Variants in CNTN5 observed in about 807,000 individuals in gnomAD.
CNTN5 encodes the protein contactin-5.
A neutral mutation model predicts 129.1 loss-of-function variants in CNTN5; 77 were observed. The observed-to-expected ratio is 0.60, with a 90% CI of 0.50 to 0.72. CNTN5 has a LOEUF of 0.72. Among genes scored for constraint, CNTN5 ranks in the 30% least tolerant of loss-of-function variants. The pLI is 0.00. For synonymous variants in CNTN5, 509 were observed against 465.6 expected (o/e 1.09, Z -1.20); for missense variants, 1,478 against 1,328.8 (o/e 1.11, Z -1.75).
intron 1 of CNTN5, among the ~76,000 whole-genome samples, chr11:99,072,663 A>T (rs188794429): frequency 6.6e-6 from 1 of 152,244 alleles, no homozygotes; most frequent in East Asian, 1.9e-4. Context: ...GTTGCTGATT[A>T]TTATATGCTT....
At chr11:100,025,294 G>A (rs1324046603) in intron 9 of CNTN5, among the ~76,000 whole-genome samples, 2 of 152,196 alleles carry the variant, frequency 1.3e-5, no homozygotes, top group Non-Finnish European at 2.9e-5. Context: ...ACACAGAAGT[G>A]AAGAATTGAG....
chr11:99,646,817 AAAAAAAAAAAGG>A (rs1252810989), intron 3 of CNTN5, among the ~76,000 whole-genome samples: 1 of 151,732 alleles, frequency 6.6e-6, no homozygotes, highest in Non-Finnish European at 1.5e-5. Context: ...CTTAAAAAAA[AAAAAAAAAAAGG>A]AAAAAAACCC....
intron 9 of CNTN5, among the ~76,000 whole-genome samples, chr11:100,043,748 C>T (rs1942499519): frequency 6.6e-6 from 1 of 152,194 alleles, no homozygotes; most frequent in East Asian, 1.9e-4. Context: ...GGCTACATTC[C>T]CTCACCTTCC....
chr11:99,868,923 A>AAGT (rs1012267477), intron 6 of CNTN5, among the ~76,000 whole-genome samples: 16 of 152,198 alleles, frequency 1.1e-4, no homozygotes. Flanking sequence ...GAAAGAAAAG[A>AAGT]AGTAGAACAA....
intron 2 of CNTN5, among the ~76,000 whole-genome samples, chr11:99,525,590 T>C (rs1947454383): frequency 1.3e-5 from 2 of 152,224 alleles, no homozygotes. Context: ...GTGACAGAGG[T>C]ATTTCTGAAT....
At chr11:99,608,105 A>T (rs973733317) in intron 3 of CNTN5, among the ~76,000 whole-genome samples, 23 of 150,678 alleles carry the variant, frequency 1.5e-4, no homozygotes, top group Admixed American at 7.2e-4. Flanking sequence ...TATAATAAAA[A>T]AAAAAAAAAA....
At chr11:99,821,274 A>G (rs918809215) in intron 4 of CNTN5, among the ~76,000 whole-genome samples, 3 of 152,318 alleles carry the variant, frequency 2.0e-5, no homozygotes, top group Middle Eastern at 6.8e-3. Flanking sequence ...CAATATAAGT[A>G]TGAATTCAAA....
At chr11:100,262,548 C>T (rs991868660) in intron 17 of CNTN5, among the ~76,000 whole-genome samples, 1 of 152,170 alleles carries the variant, frequency 6.6e-6, no homozygotes, top group Admixed American at 6.5e-5. Context: ...CCCAAATGCC[C>T]ATCAATGATA....
intron 3 of CNTN5, among the ~76,000 whole-genome samples, chr11:99,600,279 C>A (rs1203045317): frequency 2.6e-5 from 4 of 152,080 alleles, no homozygotes; most frequent in Non-Finnish European, 5.9e-5. Flanking sequence ...TAATTTTAAA[C>A]CTAGTAACCA....
chr11:99,035,520 T>A (rs1285763456), intron 1 of CNTN5, among the ~76,000 whole-genome samples: 1 of 149,762 alleles, frequency 6.7e-6, no homozygotes, highest in African/African-American at 2.4e-5. Context: ...TTTACCATTA[T>A]GTAATGGCCT....
At chr11:99,520,063 T>C (rs2135435712) in intron 2 of CNTN5, among the ~76,000 whole-genome samples, 1 of 152,234 alleles carries the variant, frequency 6.6e-6, no homozygotes, top group Admixed American at 6.6e-5. Context: ...TTATATAGCA[T>C]TTATTTTACG....
chr11:100,221,470 T>A (rs60180364), intron 15 of CNTN5, among the ~76,000 whole-genome samples: 3,932 of 152,306 alleles, frequency 0.026, 183 homozygotes, highest in African/African-American at 0.09. Context: ...AAATGCGAGC[T>A]AAGAAAGAAT....
chr11:99,890,520 T>G (rs1485861453), intron 6 of CNTN5, among the ~76,000 whole-genome samples: 1 of 152,002 alleles, frequency 6.6e-6, no homozygotes, highest in African/African-American at 2.4e-5. Context: ...CATATATGAC[T>G]GAAACATACA....
chr11:99,055,597 T>G (rs1251310593), intron 1 of CNTN5, among the ~76,000 whole-genome samples: 1 of 151,920 alleles, frequency 6.6e-6, no homozygotes, highest in Non-Finnish European at 1.5e-5. Flanking sequence ...CAATCCCATT[T>G]TCTCCTTTTC....
At chr11:99,627,702 T>C (rs1168679124) in intron 3 of CNTN5, among the ~76,000 whole-genome samples, 3 of 151,934 alleles carry the variant, frequency 2.0e-5, no homozygotes, top group Non-Finnish European at 4.4e-5. Context: ...AAAAATGTAG[T>C]TGGAGGCCAG....
rs867417758 is a variant in CNTN5, at chr11:99,780,484, G to A, written c.56-39060G>A. ...TAAAGGTCGGGTTGAGAATAAATAA[G>A]TGAATTGGATTTTAAGAGTGAGATT... On this transcript the variant is annotated intron_variant, in intron 3 of 24. Coordinates refer to ENST00000524871, the MANE Select transcript of CNTN5 (RefSeq NM_014361.4). Among the ~76,000 whole-genome samples, 10 of 152,124 alleles carry A rather than the reference G, an allele frequency of 6.6e-5. 1 individual carries two copies. The highest frequency in any genetic ancestry group is 3.9e-4 in the Admixed American group (6 of 15,258).
chr11:99,422,510 TTATATTTTTATATATATATATATATA>T lies in CNTN5; in HGVS notation c.-71+97032_-71+97057del, dbSNP rs1942934437. Among the ~76,000 whole-genome samples the T allele has an allele frequency of 9.8e-5, 6 of 61,180 alleles. No individual in the cohort carries two copies. The South Asian group carries it at 2.5e-3, about 26-fold the overall frequency. The allele number at this position is 61,180 out of a possible 152,430, so 40.1% of individuals were successfully genotyped here. ...AAAAACAAAAGCGATTCATGTTACT[TTATATTTTTATATATATATATATATA>T]TATATATATATATATATATATATAT... On this transcript the variant is annotated intron_variant, in intron 2 of 24. Coordinates refer to ENST00000524871, the MANE Select transcript of CNTN5 (RefSeq NM_014361.4).
intron 3 of CNTN5, among the ~76,000 whole-genome samples, chr11:99,790,521 C>T (rs891166776): frequency 1.6e-4 from 24 of 152,048 alleles, no homozygotes; most frequent in Non-Finnish European, 3.4e-4. Flanking sequence ...TTTATTGCAG[C>T]TTAGTGTTCT....
chr11:99,127,843 A>G (rs1410998805), intron 1 of CNTN5, among the ~76,000 whole-genome samples: 2 of 152,176 alleles, frequency 1.3e-5, no homozygotes, highest in East Asian at 3.9e-4. Flanking sequence ...TTTATCACAT[A>G]TGACAACTAT....
Sources: allele counts gnomAD v4.1 joint callset (sites outside exome capture counted in the v4.1 genomes callset), GRCh38; gene constraint gnomAD v4.1.1; transcripts MANE v1.5; gene names NCBI Gene and HGNC (gene_info 2026-07-23, HGNC 2026-07-21).